Variants in CFAP70 observed in about 807,000 individuals in gnomAD.
CFAP70 encodes cilia and flagella associated protein 70.
CFAP70 carries 81 observed loss-of-function variants against 137.6 expected under a neutral mutation model. The observed-to-expected ratio is 0.59, with a 90% CI of 0.49 to 0.71. The LOEUF (loss-of-function observed/expected upper bound fraction) is 0.71. CFAP70 is among the 30% of genes least tolerant of loss of function. CFAP70 has a pLI of 0.00. For missense variants in CFAP70, 976 were observed against 1,226.7 expected (o/e 0.80, Z 3.05); for synonymous variants, 382 against 423.6 (o/e 0.90, Z 1.20).
chr10:73,268,813 C>A (rs1194391942), intron 25 of CFAP70, among the ~76,000 whole-genome samples: 1 of 152,006 alleles, frequency 6.6e-6, no homozygotes, highest in East Asian at 1.9e-4. Flanking sequence ...CCCACCCCAA[C>A]CCTCGAAAGT....
At chr10:73,283,175 G>C (rs1394675654) in intron 19 of CFAP70, among the ~76,000 whole-genome samples, 1 of 152,086 alleles carries the variant, frequency 6.6e-6, no homozygotes, top group Admixed American at 6.5e-5. Context: ...CTGATAACTA[G>C]TTTGGTTCTG....
intron 20 of CFAP70, 48 bp from the exon 22 acceptor site, chr10:73,277,409 A>G (rs1255983789): frequency 6.3e-7 from 1 of 1,596,732 alleles, no homozygotes; most frequent in Admixed American, 1.7e-5. Flanking sequence ...TAACAGAAAA[A>G]GTGTCAGAAA....
chr10:73,347,806 G>A (rs954594368), intron 4 of CFAP70, among the ~76,000 whole-genome samples: 3 of 152,186 alleles, frequency 2.0e-5, no homozygotes, highest in African/African-American at 7.2e-5. Context: ...TAAAGTATAT[G>A]AGGTGCTTTC....
At chr10:73,353,877 G>A in intron 2 of CFAP70, 135 bp from the exon 3 acceptor site, 1 of 721,240 alleles carries the variant, frequency 1.4e-6, no homozygotes. Context: ...AATACAAAAG[G>A]AATAGGTAGA....
intron 15 of CFAP70, chr10:73,294,049 G>A (rs907307073): frequency 6.6e-6 from 1 of 152,154 alleles, no homozygotes; most frequent in African/African-American, 2.4e-5. Flanking sequence ...AATAATATCA[G>A]TGATTTTAAT....
intron 19 of CFAP70, among the ~76,000 whole-genome samples, chr10:73,290,984 G>A (rs2048135870): frequency 6.6e-6 from 1 of 152,086 alleles, no homozygotes; most frequent in African/African-American, 2.4e-5. Flanking sequence ...CCATGTGCCA[G>A]CTTCTGTTCT....
intron 8 of CFAP70, among the ~76,000 whole-genome samples, chr10:73,326,467 G>A (rs1271224852): frequency 1.4e-3 from 205 of 146,522 alleles, no homozygotes; most frequent in Non-Finnish European, 2.1e-3. Flanking sequence ...GCTAGCAGAA[G>A]GCAAGAAATA....
exon 10 of CFAP70, chr10:73,312,602 G>T (rs767071629): frequency 6.2e-7 from 1 of 1,605,950 alleles, no homozygotes; most frequent in Non-Finnish European, 8.5e-7. Context: ...TATGAATCAA[G>T]TGATGGCCAA....
chr10:73,319,440 G>A (rs981729839), intron 9 of CFAP70, among the ~76,000 whole-genome samples: 1 of 152,090 alleles, frequency 6.6e-6, no homozygotes, highest in African/African-American at 2.4e-5. Flanking sequence ...GAAAATCTTT[G>A]AATCTACCTA....
intron 25 of CFAP70, among the ~76,000 whole-genome samples, chr10:73,268,657 G>A (rs1466526072): frequency 6.6e-6 from 1 of 151,926 alleles, no homozygotes; most frequent in Non-Finnish European, 1.5e-5. Context: ...AGTTAGGGGA[G>A]AGCTGGGGTA....
At chr10:73,272,931 A>G in exon 24 of CFAP70, 1 of 1,551,990 alleles carries the variant, frequency 6.4e-7, no homozygotes, top group Non-Finnish European at 8.7e-7. Context: ...CTCTTACCCG[A>G]TAGCAGGCGA....
intron 8 of CFAP70, among the ~76,000 whole-genome samples, chr10:73,323,343 A>C (rs1253085084): frequency 8.6e-5 from 12 of 139,878 alleles, no homozygotes; most frequent in Non-Finnish European, 6.3e-5. Context: ...GGGGGGGGGC[A>C]GCCAAGATGG....
chr10:73,298,463 T>C (rs1174255474), intron 14 of CFAP70, among the ~76,000 whole-genome samples: 1 of 152,196 alleles, frequency 6.6e-6, no homozygotes, highest in Non-Finnish European at 1.5e-5. Context: ...AGTAATTAAA[T>C]GTATCCTAAC....
chr10:73,359,512 TAAAC>T (rs2054919309), upstream of CFAP70, among the ~76,000 whole-genome samples: 1 of 152,138 alleles, frequency 6.6e-6, no homozygotes, highest in South Asian at 2.1e-4. Flanking sequence ...GAGCATGAAG[TAAAC>T]AACGACGATA....
chr10:73,278,236 G>T (rs762435270), exon 20 of CFAP70: 1 of 1,613,852 alleles, frequency 6.2e-7, no homozygotes, highest in Admixed American at 1.7e-5. Context: ...CTTATACTTG[G>T]ATCCCAAGTT....
Position 73,280,968 on chromosome 10 carries a change from C to T in CFAP70, c.2240-2631G>A, listed in dbSNP as rs1468089510. On this transcript the variant is annotated intron_variant, in intron 19 of 26. Coordinates refer to ENST00000310715, the Ensembl canonical transcript of CFAP70. The stretch of plus-strand genomic sequence containing the variant: ...TTGGGTTTAATTTGATTTTCTTGTT[C>T]TAGCTTCTTAAGGTAGAATCTTAGA... Among the ~76,000 whole-genome samples, 5 of 152,096 alleles carry T rather than the reference C, an allele frequency of 3.3e-5. No homozygotes were observed. In the South Asian group the frequency reaches 8.3e-4, roughly 25 times the overall value.
chr10:73,351,055 GTGTGTGTGTGTGTGTGTATATA>G (rs1261576753), intron 3 of CFAP70, among the ~76,000 whole-genome samples: 1 of 51,616 alleles, frequency 1.9e-5, no homozygotes, highest in South Asian at 9.1e-4. Flanking sequence ...ATGTGTGTGT[GTGTGTGTGTGTGTGTGTATATA>G]TATATATATA....
chr10:73,285,563 T>A (rs953364599), intron 19 of CFAP70, among the ~76,000 whole-genome samples: 3 of 151,724 alleles, frequency 2.0e-5, no homozygotes, highest in African/African-American at 7.3e-5. Flanking sequence ...GCTAACCAGA[T>A]AGACTCTCTA....
chr10:73,302,305 A>T (rs1306750108), intron 12 of CFAP70, among the ~76,000 whole-genome samples: 3 of 152,174 alleles, frequency 2.0e-5, no homozygotes, highest in African/African-American at 7.2e-5. Context: ...GGAGGAGTAA[A>T]GCCAGGAGAG....
Sources: allele counts gnomAD v4.1 joint callset (sites outside exome capture counted in the v4.1 genomes callset), GRCh38; gene constraint gnomAD v4.1.1; transcripts MANE v1.5; gene names NCBI Gene and HGNC (gene_info 2026-07-23, HGNC 2026-07-21).